The following SUCLG2 variants were observed in gnomAD, a reference collection of about 807,000 sequenced individuals.
The protein encoded by SUCLG2 is succinate--CoA ligase [GDP-forming] subunit beta, mitochondrial.
Under a neutral mutation model 47.9 loss-of-function variants are expected in SUCLG2, and 42 were observed. The observed-to-expected ratio is 0.88, with a 90% CI of 0.69 to 1.14. The LOEUF (loss-of-function observed/expected upper bound fraction) is 1.14, where lower values mean the gene tolerates loss of function less well. Among genes scored for constraint, SUCLG2 ranks in the 50% most tolerant of loss-of-function variants. SUCLG2 has a pLI of 0.00. For synonymous variants in SUCLG2, 195 were observed against 197.3 expected (o/e 0.99, Z 0.10); for missense variants, 571 against 525.9 (o/e 1.09, Z -0.84).
intron 9 of SUCLG2, among the ~76,000 whole-genome samples, chr3:67,456,559 C>T (rs1373969034): frequency 6.6e-6 from 1 of 152,158 alleles, no homozygotes; most frequent in Admixed American, 6.5e-5. Flanking sequence ...GGGAAAAACA[C>T]ATTCAACTCA....
At chr3:67,492,606 C>T (rs971040683) in intron 9 of SUCLG2, among the ~76,000 whole-genome samples, 4 of 152,072 alleles carry the variant, frequency 2.6e-5, no homozygotes, top group African/African-American at 7.2e-5. Context: ...AGAACAAACT[C>T]TATTACTTTT....
chr3:67,375,904 G>A, intron 10 of SUCLG2, 45 bp from the exon 11 acceptor site: 1 of 1,592,868 alleles, frequency 6.3e-7, no homozygotes, highest in Middle Eastern at 1.7e-4. Context: ...ACTAGAGGTG[G>A]CGCCTTATGA....
At chr3:67,597,892 C>T (rs531657930) in intron 2 of SUCLG2, among the ~76,000 whole-genome samples, 2 of 151,874 alleles carry the variant, frequency 1.3e-5, no homozygotes, top group African/African-American at 2.4e-5. Context: ...CAGCCAAGAT[C>T]GTGCCCCTGC....
intron 9 of SUCLG2, among the ~76,000 whole-genome samples, chr3:67,417,443 A>G (rs1360672418): frequency 1.3e-5 from 2 of 152,262 alleles, no homozygotes; most frequent in Non-Finnish European, 2.9e-5. Flanking sequence ...CTTCTCAAAC[A>G]TGGAATAATT....
Position 67,486,086 on chromosome 3 carries a change from C to G in SUCLG2, c.1062+9712G>C, listed in dbSNP as rs150743917. Among the ~76,000 whole-genome samples, 87 of 152,142 alleles carry G rather than the reference C, an allele frequency of 5.7e-4. 2 individuals are homozygous for G. The highest frequency in any genetic ancestry group is 1.9e-3 in the African/African-American group (80 of 41,492). On this transcript the variant is annotated intron_variant, in intron 9 of 10. Coordinates refer to ENST00000307227, the MANE Select transcript of SUCLG2 (RefSeq NM_003848.4). ...AGGAGTTTGAGACCAGGCAGGGCAACAAACCCTGTCTCTACAAAACAAAAT... is the reference window on the plus strand; with the variant it reads ...AGGAGTTTGAGACCAGGCAGGGCAAGAAACCCTGTCTCTACAAAACAAAAT...
At chr3:67,640,941 T>C (rs369807564) in intron 1 of SUCLG2, among the ~76,000 whole-genome samples, 2 of 152,336 alleles carry the variant, frequency 1.3e-5, no homozygotes, top group East Asian at 3.9e-4. Context: ...AAAATGTTAG[T>C]GTTTTTGTTT....
At chr3:67,550,270 C>A (rs1432599828) in intron 2 of SUCLG2, among the ~76,000 whole-genome samples, 1 of 152,224 alleles carries the variant, frequency 6.6e-6, no homozygotes, top group East Asian at 1.9e-4. Context: ...GATGCACTCT[C>A]TTGAGGTGTC....
At chr3:67,397,032 A>G (rs1490845711) in intron 10 of SUCLG2, among the ~76,000 whole-genome samples, 9 of 151,658 alleles carry the variant, frequency 5.9e-5, no homozygotes, top group Non-Finnish European at 1.3e-4. Context: ...TCAAAATAAT[A>G]AGAGCTATCT....
rs574194232 is a variant in SUCLG2, at chr3:67,502,651, T to C, written c.758-4356A>G. Among the ~76,000 whole-genome samples, 29 of 152,330 alleles carry C rather than the reference T, an allele frequency of 1.9e-4. No homozygotes were observed. In the South Asian group the frequency reaches 2.5e-3, roughly 13 times the overall value. ...TTTATACTTAAGAGCTTCCCATTAT[T>C]GTAGCCCAGGCTACAGAACTCTCCT... On this transcript the variant is annotated intron_variant, in intron 7 of 10. Coordinates refer to ENST00000307227, the MANE Select transcript of SUCLG2 (RefSeq NM_003848.4).
chr3:67,540,023 A>AT (rs1239908555), intron 2 of SUCLG2, among the ~76,000 whole-genome samples: 3 of 151,098 alleles, frequency 2.0e-5, no homozygotes, highest in Non-Finnish European at 2.9e-5. Context: ...GGATTCATTG[A>AT]TTTTTTTAAG....
In SUCLG2 at chr3:67,527,986, C is replaced by T. The variant is rs1706299902; in HGVS notation, c.417+146G>A. The T allele has an allele frequency of 6.2e-6, 4 of 650,388 alleles. No individual in the cohort carries two copies. In the East Asian group the frequency reaches 1.1e-4, roughly 18 times the overall value. 40.3% of individuals were successfully genotyped at this position (650,388 alleles called of 1,614,324 possible). A position where few individuals can be genotyped will look rare whatever the true frequency, so the allele number is the denominator to read the frequency against. The stretch of plus-strand genomic sequence containing the variant: ...TTTCTCCTCCAAGACATACTACTTA[C>T]TAAACAGATTAGATGAGCTTTAAAA... On this transcript the variant is annotated intron_variant, in intron 4 of 10. Coordinates refer to ENST00000307227, the MANE Select transcript of SUCLG2 (RefSeq NM_003848.4).
At chr3:67,644,256 TAAAA>T (rs920474008) in intron 1 of SUCLG2, among the ~76,000 whole-genome samples, 1 of 151,632 alleles carries the variant, frequency 6.6e-6, no homozygotes. Flanking sequence ...ATTAATGGAT[TAAAA>T]AAAAGATATA....
At chr3:67,485,789 G>A (rs924099659) in intron 9 of SUCLG2, among the ~76,000 whole-genome samples, 1 of 152,142 alleles carries the variant, frequency 6.6e-6, no homozygotes, top group Non-Finnish European at 1.5e-5. Flanking sequence ...TAACTGAAAC[G>A]TTGAAAAACT....
chr3:67,363,814 G>A (rs911682457), intron 10 of SUCLG2, among the ~76,000 whole-genome samples: 1 of 128,804 alleles, frequency 7.8e-6, no homozygotes, highest in Non-Finnish European at 1.6e-5. Context: ...CCCTGCAAAT[G>A]AGCTCTGTAC....
intron 1 of SUCLG2, among the ~76,000 whole-genome samples, chr3:67,647,875 A>G (rs542355813): frequency 6.6e-6 from 1 of 152,218 alleles, no homozygotes; most frequent in Non-Finnish European, 1.5e-5. Context: ...TGGCTACTGC[A>G]AGGATGAAGT....
In SUCLG2 at chr3:67,443,359, TC is replaced by T. The variant is rs1559528391; in HGVS notation, c.1063-42509del. On this transcript the variant is annotated intron_variant, in intron 9 of 10. Coordinates refer to ENST00000307227, the MANE Select transcript of SUCLG2 (RefSeq NM_003848.4). ...TTGCCGCCGCGCCGGCGAGCGCCCC[TC>T]GGGAGGCAGCGGCTGGAGGAGCGGA... Among the ~76,000 whole-genome samples the T allele has an allele frequency of 9.7e-5, 6 of 61,904 alleles. 3 individuals carry two copies. Among genetic ancestry groups the T allele is most frequent in the African/African-American group, 2.2e-4 (4 of 18,178 alleles). 40.6% of individuals were successfully genotyped at this position (61,904 alleles called of 152,430 possible).
At chr3:67,615,315 T>C (rs1248632485) in intron 1 of SUCLG2, among the ~76,000 whole-genome samples, 1 of 150,468 alleles carries the variant, frequency 6.6e-6, no homozygotes, top group Admixed American at 6.6e-5. Context: ...ATTAGAGGTG[T>C]AGAAACAACT....
At chr3:67,438,916 C>T (rs1319515627) in intron 9 of SUCLG2, among the ~76,000 whole-genome samples, 1 of 152,156 alleles carries the variant, frequency 6.6e-6, no homozygotes, top group African/African-American at 2.4e-5. Flanking sequence ...ATACCAAAAC[C>T]TGGAAGAGAC....
At position 67,498,133 on chromosome 3, in the gene SUCLG2, C is replaced by G; in HGVS notation, c.919+1G>C. The G allele has an allele frequency of 1.2e-6, 2 of 1,604,742 alleles. No individual in the cohort carries two copies. Among genetic ancestry groups the G allele is most frequent in the Non-Finnish European group, 1.7e-6 (2 of 1,174,894 alleles). On this transcript the variant is annotated splice_donor_variant, in intron 8 of 10. Coordinates refer to ENST00000307227, the MANE Select transcript of SUCLG2 (RefSeq NM_003848.4). LOFTEE classifies it high-confidence loss of function. The stretch of plus-strand genomic sequence containing the variant: ...ATTCTTTTGATATAACTGCTTCTTA[C>G]CAAAGCAGGCAATGTTCCCATCTAG...
Sources: allele counts gnomAD v4.1 joint callset (sites outside exome capture counted in the v4.1 genomes callset), GRCh38; gene constraint gnomAD v4.1.1; transcripts MANE v1.5; gene names NCBI Gene and HGNC (gene_info 2026-07-23, HGNC 2026-07-21).